L3MBTL4: variants seen among roughly 807,000 people sequenced by gnomAD.
L3MBTL4 encodes lethal(3)malignant brain tumor-like protein 4.
A neutral mutation model predicts 84.5 loss-of-function variants in L3MBTL4; 70 were observed. The ratio of observed to expected loss-of-function variants is 0.83; its 90% confidence interval spans 0.68 to 1.01. The LOEUF (loss-of-function observed/expected upper bound fraction) is 1.01, where lower values mean the gene tolerates loss of function less well. L3MBTL4 is among the 50% of genes least tolerant of loss of function. L3MBTL4 has a pLI of 0.00. For missense variants in L3MBTL4, 715 were observed against 754.8 expected (o/e 0.95, Z 0.62); for synonymous variants, 274 against 259.8 (o/e 1.05, Z -0.52).
At chr18:6,232,755 G>GA (rs199581245) in intron 10 of L3MBTL4, among the ~76,000 whole-genome samples, 2 of 150,858 alleles carry the variant, frequency 1.3e-5, no homozygotes, top group African/African-American at 4.9e-5. Context: ...GTTATCAGAA[G>GA]AAAAAAAAGT....
chr18:6,176,847 C>T (rs1194963100), intron 12 of L3MBTL4, among the ~76,000 whole-genome samples: 3 of 152,024 alleles, frequency 2.0e-5, no homozygotes, highest in African/African-American at 7.2e-5. Flanking sequence ...ACTCAATGAA[C>T]ATTTTGGAAA....
intron 16 of L3MBTL4, among the ~76,000 whole-genome samples, chr18:6,051,271 G>A (rs1364290979): frequency 2.0e-5 from 3 of 152,216 alleles, no homozygotes; most frequent in Non-Finnish European, 1.5e-5. Flanking sequence ...GGGCGCAGTG[G>A]CTCACGCCTG....
chr18:6,371,431 G>A lies in L3MBTL4; in HGVS notation c.-91+43370C>T, dbSNP rs541746605. ...GACCCTGCGGGGAGAGCCTCTCAGA[G>A]GAAGCTAAGTGCCCAGGGCAGCCCA... On this transcript the variant is annotated intron_variant, in intron 1 of 18. Coordinates refer to ENST00000317931, the MANE Select transcript of L3MBTL4 (RefSeq NM_001330559.2). 3.3e-5 allele frequency among the ~76,000 whole-genome samples: 5 copies of A among 152,264 alleles called. No individual in the cohort carries two copies. The East Asian group carries it at 7.7e-4, about 24-fold the overall frequency.
chr18:5,969,666 A>C, intron 16 of L3MBTL4, 104 bp from the exon 17 acceptor site: 3 of 1,088,590 alleles, frequency 2.8e-6, no homozygotes, highest in Non-Finnish European at 3.9e-6. Context: ...CGGAAAGTGC[A>C]GACACCACCA....
intron 4 of L3MBTL4, among the ~76,000 whole-genome samples, chr18:6,284,670 A>C (rs2049481971): frequency 2.0e-5 from 3 of 147,398 alleles, no homozygotes; most frequent in Non-Finnish European, 4.5e-5. Flanking sequence ...TCTTCAGGGC[A>C]GTATCCTATT....
At chr18:6,332,740 T>C (rs1338906818) in intron 1 of L3MBTL4, among the ~76,000 whole-genome samples, 1 of 152,246 alleles carries the variant, frequency 6.6e-6, no homozygotes, top group Non-Finnish European at 1.5e-5. Flanking sequence ...GAGTCAGCCA[T>C]GACTGGTCCA....
At chr18:6,042,985 T>G (rs1378006761) in intron 16 of L3MBTL4, among the ~76,000 whole-genome samples, 3 of 152,156 alleles carry the variant, frequency 2.0e-5, no homozygotes, top group Non-Finnish European at 4.4e-5. Context: ...ATCCCAAACC[T>G]AATCCTTTTC....
At chr18:6,183,968 G>T (rs115039547) in intron 12 of L3MBTL4, among the ~76,000 whole-genome samples, 11,527 of 152,100 alleles carry the variant, frequency 0.076, 1,444 homozygotes, top group African/African-American at 0.26. Flanking sequence ...TTATTGCACA[G>T]TTATATAAGG....
At chr18:6,003,550 A>G (rs770459771) in intron 16 of L3MBTL4, among the ~76,000 whole-genome samples, 9 of 152,014 alleles carry the variant, frequency 5.9e-5, no homozygotes, top group Admixed American at 1.3e-4. Context: ...CAATAAACCA[A>G]TGAGAGCTAA....
intron 3 of L3MBTL4, 46 bp downstream of exon 3, chr18:6,311,508 T>C (rs2050829083): frequency 6.6e-7 from 1 of 1,505,246 alleles, no homozygotes; most frequent in Non-Finnish European, 9.2e-7. Context: ...TGCATTTTGG[T>C]AGCGATCACA....
intron 16 of L3MBTL4, among the ~76,000 whole-genome samples, chr18:6,003,087 A>T (rs1354926946): frequency 2.1e-5 from 2 of 96,656 alleles, no homozygotes; most frequent in African/African-American, 9.4e-5. Context: ...TACTATATAA[A>T]ATATAGTATC....
At chr18:6,355,161 C>CT (rs1429742547) in intron 1 of L3MBTL4, among the ~76,000 whole-genome samples, 2 of 152,026 alleles carry the variant, frequency 1.3e-5, no homozygotes, top group African/African-American at 4.8e-5. Flanking sequence ...AGTCACTATG[C>CT]TTTTTTATGT....
At chr18:6,144,263 G>C (rs1486795729) in intron 13 of L3MBTL4, among the ~76,000 whole-genome samples, 1 of 148,220 alleles carries the variant, frequency 6.7e-6, no homozygotes, top group Non-Finnish European at 1.5e-5. Context: ...TTATCACAAT[G>C]CTGTGAGATC....
intron 14 of L3MBTL4, among the ~76,000 whole-genome samples, chr18:6,115,294 G>A (rs946494489): frequency 5.3e-5 from 8 of 152,162 alleles, no homozygotes; most frequent in African/African-American, 1.4e-4. Flanking sequence ...CCAGTAAGGA[G>A]GGTGCTGAGT....
chr18:6,332,030 C>T (rs1465126721), intron 1 of L3MBTL4, among the ~76,000 whole-genome samples: 1 of 152,066 alleles, frequency 6.6e-6, no homozygotes, highest in African/African-American at 2.4e-5. Context: ...AGAAAAATCA[C>T]TGGCCTATGT....
chr18:6,237,782 C>T (rs144955016), intron 10 of L3MBTL4, among the ~76,000 whole-genome samples, 182 bp downstream of exon 10: 72 of 152,102 alleles, frequency 4.7e-4, no homozygotes, highest in African/African-American at 1.5e-3. Flanking sequence ...AAACACAGTT[C>T]GTCTTCATTA....
intron 1 of L3MBTL4, among the ~76,000 whole-genome samples, chr18:6,410,667 T>G (rs541342788): frequency 6.6e-6 from 1 of 152,330 alleles, no homozygotes; most frequent in South Asian, 2.1e-4. Context: ...TCTGGCTAGT[T>G]ACAGTGAAAA....
intron 14 of L3MBTL4, among the ~76,000 whole-genome samples, chr18:6,104,622 C>T (rs28396102): frequency 0.043 from 6,498 of 152,194 alleles, 447 homozygotes; most frequent in African/African-American, 0.14. Flanking sequence ...GTTTTAGTTA[C>T]CCAGATGATT....
Position 5,956,216 on chromosome 18 carries a change from CCATT to C in L3MBTL4, c.1845_*3del. ...TGGTGCCAGAGGAAGTTCAGGGAGC[CCATT>C]CATCCCCTGACTTCTTGGCCTGAGG... On this transcript the variant is annotated stop_lost and 3_prime_UTR_variant, in exon 19 of 19. Transcript: ENST00000317931. 26 of 1,609,452 alleles carry C rather than the reference CCATT, an allele frequency of 1.6e-5. No homozygotes were observed. The highest frequency in any genetic ancestry group is 2.2e-5 in the Non-Finnish European group (26 of 1,177,550).
Sources: allele counts gnomAD v4.1 joint callset (sites outside exome capture counted in the v4.1 genomes callset), GRCh38; gene constraint gnomAD v4.1.1; transcripts MANE v1.5; gene names NCBI Gene and HGNC (gene_info 2026-07-23, HGNC 2026-07-21).